MACROD2: variants seen among roughly 807,000 people sequenced by gnomAD.
MACROD2 encodes ADP-ribose glycohydrolase MACROD2.
In MACROD2, 36 loss-of-function variants were observed where a neutral mutation model predicts 70.4. The observed-to-expected ratio is 0.51, with a 90% CI of 0.39 to 0.68. The LOEUF is 0.68. MACROD2 is among the 30% of genes least tolerant of loss of function. The pLI is 0.00. For missense variants in MACROD2, 496 were observed against 538.4 expected (o/e 0.92, Z 0.78); for synonymous variants, 172 against 178.8 (o/e 0.96, Z 0.30).
chr20:14,011,740 A>G (rs957565785), intron 2 of MACROD2, among the ~76,000 whole-genome samples: 2 of 152,098 alleles, frequency 1.3e-5, no homozygotes, highest in Non-Finnish European at 2.9e-5. Context: ...CGTGTTAGCC[A>G]GGATGGTCTT....
At chr20:15,239,181 C>T (rs968868398) in intron 6 of MACROD2, among the ~76,000 whole-genome samples, 2 of 126,750 alleles carry the variant, frequency 1.6e-5, no homozygotes, top group Admixed American at 1.7e-4. Flanking sequence ...TGCAAATGTT[C>T]AGATTTTTTT....
At chr20:15,770,284 A>G (rs1478542445) in intron 8 of MACROD2, among the ~76,000 whole-genome samples, 5 of 151,930 alleles carry the variant, frequency 3.3e-5, no homozygotes, top group Non-Finnish European at 7.4e-5. Flanking sequence ...TCTGAGAAGA[A>G]AGAGATGTTT....
In MACROD2 at chr20:14,976,327, C is replaced by T. The variant is rs76484545; in HGVS notation, c.419-253613C>T. The stretch of plus-strand genomic sequence containing the variant: ...TCTGAGGGAACATTTGTTTCTCTGC[C>T]TTTTCTGGCTTCTGGTGGCTGCCTC... On this transcript the variant is annotated intron_variant, in intron 5 of 17. Coordinates refer to ENST00000684519, the MANE Select transcript of MACROD2 (RefSeq NM_001351661.2). 5.2e-3 allele frequency among the ~76,000 whole-genome samples: 789 copies of T among 152,220 alleles called. 6 individuals carry two copies. The highest frequency in any genetic ancestry group is 0.018 in the African/African-American group (766 of 41,522).
chr20:14,715,166 G>A (rs978887388), intron 5 of MACROD2, among the ~76,000 whole-genome samples: 2 of 152,026 alleles, frequency 1.3e-5, no homozygotes, highest in Admixed American at 6.6e-5. Context: ...TCATGGTGGC[G>A]GCAAGAAGAA....
At chr20:16,002,406 G>T (rs775116) in intron 15 of MACROD2, among the ~76,000 whole-genome samples, 37,655 of 152,042 alleles carry the variant, frequency 0.25, 4,763 homozygotes, top group South Asian at 0.32. Context: ...GGCTTGAAAA[G>T]AGAAGAATGT....
intron 10 of MACROD2, among the ~76,000 whole-genome samples, chr20:15,906,703 C>T (rs1336382008): frequency 1.3e-5 from 2 of 152,142 alleles, no homozygotes; most frequent in Non-Finnish European, 2.9e-5. Context: ...ACTTTACTGC[C>T]CTTGACACTT....
intron 5 of MACROD2, among the ~76,000 whole-genome samples, chr20:14,846,426 T>A (rs931646904): frequency 6.6e-5 from 10 of 151,020 alleles, no homozygotes; most frequent in Admixed American, 6.6e-5. Context: ...GGTTTCACCA[T>A]GTTGGTCAGG....
intron 8 of MACROD2, among the ~76,000 whole-genome samples, chr20:15,652,445 A>G (rs1268237682): frequency 1.3e-5 from 2 of 152,158 alleles, no homozygotes; most frequent in Non-Finnish European, 2.9e-5. Context: ...AGAAAAGTTT[A>G]CTTTGCCACA....
chr20:15,828,849 C>A (rs2064024929), intron 8 of MACROD2, among the ~76,000 whole-genome samples: 1 of 152,192 alleles, frequency 6.6e-6, no homozygotes, highest in Admixed American at 6.5e-5. Context: ...AGTGGGGATG[C>A]ATGACTGCAT....
intron 5 of MACROD2, chr20:14,758,043 G>A: frequency 9.1e-6 from 6 of 658,456 alleles, no homozygotes; most frequent in Admixed American, 2.2e-5. Flanking sequence ...GGACATGGTC[G>A]GCCACCTCAA....
At chr20:15,914,165 A>G (rs1438341443) in intron 10 of MACROD2, among the ~76,000 whole-genome samples, 2 of 152,208 alleles carry the variant, frequency 1.3e-5, no homozygotes, top group African/African-American at 4.8e-5. Flanking sequence ...GCTGCCCTGT[A>G]TGTAATTTAG....
chr20:15,943,526 C>T (rs557495312), intron 12 of MACROD2, among the ~76,000 whole-genome samples: 4 of 152,172 alleles, frequency 2.6e-5, no homozygotes, highest in African/African-American at 9.6e-5. Context: ...TATTAGGAGC[C>T]TTAAGTGTAG....
intron 3 of MACROD2, among the ~76,000 whole-genome samples, chr20:14,386,998 G>T (rs2083474851): frequency 1.3e-5 from 2 of 152,118 alleles, no homozygotes; most frequent in Admixed American, 1.3e-4. Context: ...TATGCTTTAA[G>T]GACATGAATC....
chr20:14,060,761 T>C (rs1453445202), intron 2 of MACROD2, among the ~76,000 whole-genome samples: 4 of 152,216 alleles, frequency 2.6e-5, no homozygotes, highest in Non-Finnish European at 2.9e-5. Flanking sequence ...TTAACAGTAT[T>C]TCAGATGTGC....
At chr20:14,156,370 C>T (rs1046765107) in intron 3 of MACROD2, among the ~76,000 whole-genome samples, 2 of 152,084 alleles carry the variant, frequency 1.3e-5, no homozygotes, top group Non-Finnish European at 2.9e-5. Flanking sequence ...GAACTATTTG[C>T]GTTTGCGGTA....
chr20:15,425,391 T>G (rs561504489), intron 6 of MACROD2, among the ~76,000 whole-genome samples: 3 of 152,232 alleles, frequency 2.0e-5, no homozygotes, highest in Non-Finnish European at 4.4e-5. Flanking sequence ...TGGAGCTTTC[T>G]CTTCTTAGTG....
intron 8 of MACROD2, among the ~76,000 whole-genome samples, chr20:15,801,027 A>T (rs1470929275): frequency 1.3e-5 from 2 of 150,366 alleles, no homozygotes; most frequent in East Asian, 4.0e-4. Context: ...CCCTAATCTC[A>T]AGTACCCAGG....
At chr20:15,626,297 G>T (rs1476049504) in intron 8 of MACROD2, among the ~76,000 whole-genome samples, 1 of 152,196 alleles carries the variant, frequency 6.6e-6, no homozygotes, top group Non-Finnish European at 1.5e-5. Context: ...ACTGAAAGAA[G>T]CAGTAAAATG....
Position 15,667,511 on chromosome 20 carries a change from C to CTATCTATG in MACROD2, c.645+167671_645+167672insGTATCTAT, listed in dbSNP as rs1555857577. Reference sequence around the variant, plus strand: ...TGTATCTATCTATGTATCTATCTATCTATCTATCTATCTATGAAAGCAAAT... The same window carrying CTATCTATG: ...TGTATCTATCTATGTATCTATCTATCTATCTATGTATCTATCTATCTATGAAAGCAAAT... On this transcript the variant is annotated intron_variant, in intron 8 of 17. Coordinates refer to ENST00000684519, the MANE Select transcript of MACROD2 (RefSeq NM_001351661.2). Among the ~76,000 whole-genome samples the CTATCTATG allele has an allele frequency of 4.6e-3, 622 of 136,204 alleles. 16 individuals carry two copies. The highest frequency in any genetic ancestry group is 0.034 in the Admixed American group (444 of 13,240). 89.4% of individuals were successfully genotyped at this position (136,204 alleles called of 152,430 possible). A position where few individuals can be genotyped will look rare whatever the true frequency, so the allele number is the denominator to read the frequency against.
Sources: allele counts gnomAD v4.1 joint callset (sites outside exome capture counted in the v4.1 genomes callset), GRCh38; gene constraint gnomAD v4.1.1; transcripts MANE v1.5; gene names NCBI Gene and HGNC (gene_info 2026-07-23, HGNC 2026-07-21).